Variants in PCSK6 observed in about 807,000 individuals in gnomAD.
The protein encoded by PCSK6 is proprotein convertase subtilisin/kexin type 6.
In PCSK6, 85 loss-of-function variants were observed where a neutral mutation model predicts 123.3. That is an observed-to-expected ratio of 0.69 (90% CI 0.58 to 0.83). The LOEUF is 0.83. PCSK6 is among the 40% of genes least tolerant of loss of function. The probability of loss-of-function intolerance (pLI) is 0.00; values close to 1 mark genes in which losing one functional copy is unlikely to be tolerated. For synonymous variants in PCSK6, 508 were observed against 516.0 expected, an observed-to-expected ratio of 0.98 and a Z score of 0.21; for missense variants, 1,191 against 1,282.3, an observed-to-expected ratio of 0.93 and a Z score of 1.09.
Position 101,383,836 on chromosome 15 carries a change from T to G in PCSK6, c.1414+486A>C, listed in dbSNP as rs112907623. On this transcript the variant is annotated intron_variant, in intron 10 of 21. Coordinates refer to ENST00000611716, the MANE Select transcript of PCSK6 (RefSeq NM_002570.5). ...CGTAACTACATATCAAACCTATGATTAACTAGATGTAGTACAGTTTCCTTT... is the reference window on the plus strand; with the variant it reads ...CGTAACTACATATCAAACCTATGATGAACTAGATGTAGTACAGTTTCCTTT... Among the ~76,000 whole-genome samples, 1,324 of 152,278 alleles carry G rather than the reference T, an allele frequency of 8.7e-3. 22 individuals are homozygous for G. The highest frequency in any genetic ancestry group is 0.03 in the African/African-American group (1,226 of 41,532).
At chr15:101,318,496 C>A in intron 18 of PCSK6, 74 bp from the exon 19 acceptor site, 1 of 1,223,648 alleles carries the variant, frequency 8.2e-7, no homozygotes, top group Non-Finnish European at 1.2e-6. Context: ...TAGCACCTTT[C>A]CCAAGAGGAG....
intron 10 of PCSK6, among the ~76,000 whole-genome samples, chr15:101,382,538 G>A (rs1365078128): frequency 6.6e-6 from 1 of 152,180 alleles, no homozygotes; most frequent in Non-Finnish European, 1.5e-5. Flanking sequence ...AAAAGGGCTT[G>A]TCAGCATCTA....
At chr15:101,328,045 A>T (rs2040297665) in intron 15 of PCSK6, among the ~76,000 whole-genome samples, 1 of 152,144 alleles carries the variant, frequency 6.6e-6, no homozygotes, top group African/African-American at 2.4e-5. Flanking sequence ...TGCCCACCTC[A>T]TCCTGGGTCA....
chr15:101,470,770 G>T (rs980102818), intron 1 of PCSK6, among the ~76,000 whole-genome samples: 1 of 152,140 alleles, frequency 6.6e-6, no homozygotes, highest in Non-Finnish European at 1.5e-5. Flanking sequence ...TGCTGCATTT[G>T]CCCTGGTACA....
intron 1 of PCSK6, among the ~76,000 whole-genome samples, chr15:101,447,202 G>A (rs1426568519): frequency 6.6e-6 from 1 of 152,150 alleles, no homozygotes; most frequent in Non-Finnish European, 1.5e-5. Context: ...CCTCCCCAGT[G>A]AGGGAGGCTG....
Position 101,489,403 on chromosome 15 carries a change from C to T in PCSK6, c.268G>A (p.Ala90Thr), listed in dbSNP as rs569814901. Reference protein sequence around the residue: ...GGPAEADRVAAAHGYLNLGQI... With the variant: ...GGPAEADRVATAHGYLNLGQI... The stretch of plus-strand genomic sequence containing the variant: ...CCCAAGTTGAGGTACCCGTGCGCCG[C>T]CGCCACGCGGTCCGCCTCGGCCGGG... Residue 90 changes from alanine to threonine, a missense_variant, in exon 1 of 22, where the codon GCG becomes ACG. By Grantham distance (58) the Ala-to-Thr change is moderately conservative. This residue lies in a region of PCSK6 where 204 missense variants were observed against 166.4 expected (regional missense o/e 1.23). Coordinates refer to ENST00000611716, the MANE Select transcript of PCSK6 (RefSeq NM_002570.5). The T allele has an allele frequency of 4.7e-6, 6 of 1,276,136 alleles. No homozygotes were observed. In the South Asian group the frequency reaches 7.5e-5, roughly 16 times the overall value. The allele number at this position is 1,276,136 out of a possible 1,614,324, so 79.1% of individuals were successfully genotyped here. A position where few individuals can be genotyped will look rare whatever the true frequency, so the allele number is the denominator to read the frequency against.
intron 1 of PCSK6, among the ~76,000 whole-genome samples, chr15:101,478,543 C>G (rs1461061134): frequency 1.3e-5 from 2 of 152,330 alleles, no homozygotes; most frequent in East Asian, 3.9e-4. Flanking sequence ...CTTCCCCGGT[C>G]CTCTTTTTCT....
At chr15:101,413,410 C>CT (rs2055775221) in intron 6 of PCSK6, among the ~76,000 whole-genome samples, 1 of 151,446 alleles carries the variant, frequency 6.6e-6, no homozygotes, top group African/African-American at 2.4e-5. Flanking sequence ...TACTCAAAAA[C>CT]ATTATAAACC....
intron 13 of PCSK6, among the ~76,000 whole-genome samples, chr15:101,363,135 T>A (rs962522358): frequency 1.3e-5 from 2 of 152,088 alleles, no homozygotes; most frequent in Non-Finnish European, 2.9e-5. Context: ...AGTGCACGCA[T>A]GTTGGCCTAA....
intron 11 of PCSK6, among the ~76,000 whole-genome samples, chr15:101,381,225 A>G (rs964002791): frequency 1.3e-5 from 2 of 152,072 alleles, no homozygotes; most frequent in Non-Finnish European, 2.9e-5. Flanking sequence ...CTAGCTGGGC[A>G]TGGTGGTGGG....
chr15:101,321,069 C>G (rs960084065), intron 18 of PCSK6, among the ~76,000 whole-genome samples: 1 of 152,216 alleles, frequency 6.6e-6, no homozygotes, highest in African/African-American at 2.4e-5. Context: ...GCTGGGAACA[C>G]AGAGCCTCCT....
At chr15:101,368,974 G>A (rs2141462015) in intron 12 of PCSK6, among the ~76,000 whole-genome samples, 1 of 152,368 alleles carries the variant, frequency 6.6e-6, no homozygotes, top group African/African-American at 2.4e-5. Flanking sequence ...ACCTCCCACA[G>A]GCAGAGGCAC....
intron 6 of PCSK6, among the ~76,000 whole-genome samples, chr15:101,422,710 C>A (rs1311806575): frequency 2.0e-5 from 3 of 152,018 alleles, no homozygotes; most frequent in Non-Finnish European, 4.4e-5. Context: ...CAAGCTCTGC[C>A]TCCCGGGTTC....
chr15:101,350,174 G>T (rs2040853616), intron 13 of PCSK6, among the ~76,000 whole-genome samples: 1 of 152,144 alleles, frequency 6.6e-6, no homozygotes, highest in Non-Finnish European at 1.5e-5. Context: ...TCAAAGTGCT[G>T]GGATTATAGG....
intron 13 of PCSK6, among the ~76,000 whole-genome samples, chr15:101,353,188 C>T (rs2040943995): frequency 6.6e-6 from 1 of 152,108 alleles, no homozygotes; most frequent in Admixed American, 6.5e-5. Flanking sequence ...CTAGACGGTC[C>T]CGTCTGGGGG....
chr15:101,373,298 T>C (rs946645376), intron 11 of PCSK6, among the ~76,000 whole-genome samples: 1 of 152,184 alleles, frequency 6.6e-6, no homozygotes, highest in Admixed American at 6.5e-5. Context: ...GCCATGCCCT[T>C]ACCTTCACCT....
intron 13 of PCSK6, among the ~76,000 whole-genome samples, chr15:101,335,984 A>G (rs750210509): frequency 3.9e-5 from 6 of 152,246 alleles, no homozygotes; most frequent in Admixed American, 6.5e-5. Flanking sequence ...ACCTAAACAT[A>G]AAAAGGGTAC....
intron 13 of PCSK6, among the ~76,000 whole-genome samples, chr15:101,362,455 G>A (rs12594076): frequency 4.7e-4 from 71 of 152,032 alleles, no homozygotes; most frequent in Admixed American, 4.5e-3. Flanking sequence ...GGGGCTGGAT[G>A]AGATCCCTGG....
At chr15:101,388,751 C>T (rs752770491) in intron 9 of PCSK6, among the ~76,000 whole-genome samples, 15 of 152,264 alleles carry the variant, frequency 9.9e-5, no homozygotes, top group East Asian at 3.9e-4. Context: ...GTTCTACAAA[C>T]GGGTGAACCT....
Sources: allele counts gnomAD v4.1 joint callset (sites outside exome capture counted in the v4.1 genomes callset), GRCh38; gene constraint gnomAD v4.1.1; regional missense constraint gnomAD v4.1.1; transcripts MANE v1.5; gene names NCBI Gene and HGNC (gene_info 2026-07-23, HGNC 2026-07-21).